Variants in AP1S3 observed in about 807,000 individuals in gnomAD.
AP1S3 encodes the protein adaptor related protein complex 1 subunit sigma 3, also known as AP-1 complex subunit sigma-3.
A neutral mutation model predicts 20.9 loss-of-function variants in AP1S3; 10 were observed. The ratio of observed to expected loss-of-function variants is 0.48; its 90% CI spans 0.29 to 0.81. The LOEUF is 0.81. AP1S3 is among the 30% of genes least tolerant of loss of function. The probability of loss-of-function intolerance (pLI) is 0.08; values close to 1 mark genes in which losing one functional copy is unlikely to be tolerated. For missense variants in AP1S3, 154 were observed against 183.8 expected, an observed-to-expected ratio of 0.84 and a Z score of 0.94; for synonymous variants, 41 against 61.5, an observed-to-expected ratio of 0.67 and a Z score of 1.56.
intron 1 of AP1S3, among the ~76,000 whole-genome samples, chr2:223,813,161 G>A (rs1005881854): frequency 6.6e-5 from 10 of 152,138 alleles, no homozygotes; most frequent in African/African-American, 2.2e-4. Context: ...TGGCCAGGCT[G>A]GTCTCAAACT....
rs9751994 is a variant in AP1S3 at position 223,828,292 on chromosome 2, T to C, written c.3+9156A>G. ...ATTCCCCTCACCACATTCTCCTCTCTCTCTTTTTTTTTTTTTTTTTTTGAG... is the reference window on the plus strand; with the variant it reads ...ATTCCCCTCACCACATTCTCCTCTCCCTCTTTTTTTTTTTTTTTTTTTGAG... On this transcript the variant is annotated intron_variant, in intron 1 of 4. Transcript: ENST00000396654. Among the ~76,000 whole-genome samples the C allele has an allele frequency of 9.3e-4, 129 of 138,966 alleles. 10 individuals are homozygous for C. Among genetic ancestry groups the C allele is most frequent in the Admixed American group, 2.0e-3 (27 of 13,626 alleles). The allele number at this position is 138,966 out of a possible 152,430, so 91.2% of individuals were successfully genotyped here. A position where few individuals can be genotyped will look rare whatever the true frequency, so the allele number is the denominator to read the frequency against.
At chr2:223,771,899 G>C (rs1690637741) in intron 3 of AP1S3, among the ~76,000 whole-genome samples, 1 of 152,212 alleles carries the variant, frequency 6.6e-6, no homozygotes, top group South Asian at 2.1e-4. Flanking sequence ...CTGAGGCCAG[G>C]AGTTTGAGAC....
At chr2:223,816,840 A>T (rs1691854912) in intron 1 of AP1S3, among the ~76,000 whole-genome samples, 1 of 152,238 alleles carries the variant, frequency 6.6e-6, no homozygotes, top group South Asian at 2.1e-4. Context: ...AAAATAAAAT[A>T]GCCCAGTCTA....
chr2:223,820,119 C>T (rs1691952051), intron 1 of AP1S3, among the ~76,000 whole-genome samples: 1 of 152,054 alleles, frequency 6.6e-6, no homozygotes, highest in Admixed American at 6.6e-5. Flanking sequence ...ATCAATTTTA[C>T]TAATAAATCA....
chr2:223,809,130 AG>A (rs1423518956), intron 1 of AP1S3, among the ~76,000 whole-genome samples: 10 of 152,260 alleles, frequency 6.6e-5, no homozygotes, highest in African/African-American at 2.4e-4. Context: ...TGGTCAGAGC[AG>A]GTCACTCCCC....
chr2:223,821,155 T>A (rs1691978377), intron 1 of AP1S3, among the ~76,000 whole-genome samples: 1 of 151,944 alleles, frequency 6.6e-6, no homozygotes, highest in African/African-American at 2.4e-5. Context: ...TCTATCTATT[T>A]ATCTATCTAT....
chr2:223,816,968 T>C (rs559147623), intron 1 of AP1S3, among the ~76,000 whole-genome samples: 1 of 152,070 alleles, frequency 6.6e-6, no homozygotes, highest in East Asian at 2.0e-4. Context: ...TTACTAAAAA[T>C]ACAAACATTA....
intron 1 of AP1S3, among the ~76,000 whole-genome samples, chr2:223,814,094 T>C (rs1315106355): frequency 6.6e-6 from 1 of 152,224 alleles, no homozygotes; most frequent in African/African-American, 2.4e-5. Flanking sequence ...TGCCCCAATA[T>C]TTATAACCTT....
intron 1 of AP1S3, among the ~76,000 whole-genome samples, chr2:223,826,345 C>T (rs915233719): frequency 6.6e-6 from 1 of 152,070 alleles, no homozygotes; most frequent in African/African-American, 2.4e-5. Context: ...GTAATCCCAA[C>T]AATTTGGGAG....
intron 4 of AP1S3, among the ~76,000 whole-genome samples, chr2:223,763,968 T>C (rs1251254360): frequency 6.6e-6 from 1 of 152,216 alleles, no homozygotes; most frequent in Non-Finnish European, 1.5e-5. Flanking sequence ...GTCACCCAGG[T>C]GGTGCTGTGG....
intron 1 of AP1S3, among the ~76,000 whole-genome samples, chr2:223,809,127 A>T (rs1242911284): frequency 1.3e-5 from 2 of 152,224 alleles, no homozygotes; most frequent in African/African-American, 4.8e-5. Context: ...CTTTGGTCAG[A>T]GCAGGTCACT....
At chr2:223,774,365 C>CAAT (rs2106087266) in intron 3 of AP1S3, among the ~76,000 whole-genome samples, 1 of 133,104 alleles carries the variant, frequency 7.5e-6, no homozygotes, top group South Asian at 2.3e-4. Context: ...AACTCCGTCT[C>CAAT]AATAAATAAT....
intron 1 of AP1S3, among the ~76,000 whole-genome samples, chr2:223,779,224 T>A (rs1207428586): frequency 6.6e-6 from 1 of 152,190 alleles, no homozygotes; most frequent in Non-Finnish European, 1.5e-5. Context: ...GCAGAAGACA[T>A]TAGAACATCT....
chr2:223,835,481 C>G (rs189832726), intron 1 of AP1S3, among the ~76,000 whole-genome samples: 1 of 152,168 alleles, frequency 6.6e-6, no homozygotes, highest in East Asian at 1.9e-4. Context: ...ATGGCAAAAC[C>G]CCGTCTCTAC....
chr2:223,814,909 T>C (rs956494659), intron 1 of AP1S3, among the ~76,000 whole-genome samples: 2 of 152,182 alleles, frequency 1.3e-5, no homozygotes, highest in Non-Finnish European at 2.9e-5. Context: ...CCCAAGTAGC[T>C]GGGACCACAG....
chr2:223,773,601 G>A lies in AP1S3; in HGVS notation c.291+2300C>T, dbSNP rs1330549343. On this transcript the variant is annotated intron_variant, in intron 3 of 4. Coordinates refer to ENST00000396654, the MANE Select transcript of AP1S3 (RefSeq NM_001039569.2). ...GGTCTTAACAACATCATTTACAAGG[G>A]GGAAAAAAGGGAGGGAGGAAAAATT... is the stretch of plus-strand genomic sequence containing the variant. Among the ~76,000 whole-genome samples, 4 of 152,072 alleles carry A rather than the reference G, an allele frequency of 2.6e-5. No individual in the cohort carries two copies. In the East Asian group the frequency reaches 7.7e-4, roughly 29 times the overall value.
intron 4 of AP1S3, among the ~76,000 whole-genome samples, chr2:223,759,862 A>G (rs555488436): frequency 6.6e-6 from 1 of 152,276 alleles, no homozygotes; most frequent in African/African-American, 2.4e-5. Flanking sequence ...AAGTGAGAAC[A>G]TGTGGCATTT....
At chr2:223,820,549 C>CA (rs56382461) in intron 1 of AP1S3, among the ~76,000 whole-genome samples, 43,671 of 146,762 alleles carry the variant, frequency 0.3, 7,028 homozygotes, top group Middle Eastern at 0.42. Flanking sequence ...CCCTATCATC[C>CA]AAAAAAAAAA....
At chr2:223,832,540 C>T (rs375230493) in intron 1 of AP1S3, among the ~76,000 whole-genome samples, 10 of 152,322 alleles carry the variant, frequency 6.6e-5, no homozygotes, top group East Asian at 3.9e-4. Flanking sequence ...CTCGATCTTA[C>T]ACTAACTGCT....
Sources: gnomAD v4.1 joint callset for allele counts (sites outside exome capture counted in the v4.1 genomes callset) on GRCh38, gnomAD v4.1.1 for gene constraint, MANE v1.5 for transcripts, NCBI Gene and HGNC (gene_info 2026-07-23, HGNC 2026-07-21) for gene names.